Variants in SPEF2 observed in about 807,000 individuals in gnomAD.
The protein encoded by SPEF2 is sperm flagellar and cilia associated 2, also known as sperm flagella and cilia-associated protein 2.
A neutral mutation model predicts 224.6 loss-of-function variants in SPEF2; 187 were observed. That is an observed-to-expected ratio of 0.83 (90% CI 0.74 to 0.94). The LOEUF is 0.94. SPEF2 is among the 40% of genes least tolerant of loss of function. The probability of loss-of-function intolerance (pLI) is 0.00; values close to 1 mark genes in which losing one functional copy is unlikely to be tolerated. For synonymous variants in SPEF2, 715 were observed against 707.3 expected (o/e 1.01, Z -0.17); for missense variants, 2,170 against 2,135.6 (o/e 1.02, Z -0.32).
intron 32 of SPEF2, among the ~76,000 whole-genome samples, chr5:35,794,911 C>T (rs942966349): frequency 6.6e-6 from 1 of 152,062 alleles, no homozygotes; most frequent in African/African-American, 2.4e-5. Context: ...GCCCTTCCGC[C>T]CTCAGGTCCC....
At chr5:35,623,090 G>A (rs1281288843) in intron 1 of SPEF2, among the ~76,000 whole-genome samples, 1 of 152,182 alleles carries the variant, frequency 6.6e-6, no homozygotes, top group Non-Finnish European at 1.5e-5. Context: ...TGAACCATGA[G>A]GACTGCAGGG....
chr5:35,659,227 G>A lies in SPEF2; in HGVS notation c.1167+20G>A, dbSNP rs367791688. ...GAAGCGGTAAATACCATCTTCCTTA[G>A]AAATCTTTCTAAGGTTACTTTTGTT... On this transcript the variant is annotated intron_variant, in intron 8 of 36. Transcript: ENST00000356031. 4.0e-5 allele frequency: 62 copies of A among 1,565,406 alleles called. No homozygotes were observed. Among genetic ancestry groups the A allele is most frequent in the South Asian group, 2.6e-4 (22 of 84,922 alleles).
chr5:35,804,339 T>C (rs574083678), intron 34 of SPEF2, among the ~76,000 whole-genome samples: 1 of 152,200 alleles, frequency 6.6e-6, no homozygotes, highest in South Asian at 2.1e-4. Context: ...TTCCCCTGCT[T>C]AGATAATAAT....
At chr5:35,770,618 T>C (rs964060806) in intron 26 of SPEF2, among the ~76,000 whole-genome samples, 38 of 151,898 alleles carry the variant, frequency 2.5e-4, no homozygotes, top group Non-Finnish European at 8.8e-5. Context: ...GTATTTGCCT[T>C]TCTGTGCCTG....
chr5:35,776,728 C>G (rs1165176694), intron 29 of SPEF2, among the ~76,000 whole-genome samples: 1 of 152,126 alleles, frequency 6.6e-6, no homozygotes, highest in Non-Finnish European at 1.5e-5. Flanking sequence ...GTAAAATAAT[C>G]CTTGATACTT....
intron 6 of SPEF2, among the ~76,000 whole-genome samples, chr5:35,651,224 C>T (rs1158516372): frequency 6.6e-6 from 1 of 152,180 alleles, no homozygotes; most frequent in Non-Finnish European, 1.5e-5. Context: ...AGCTGGGAAA[C>T]GTAGTCTTTA....
At chr5:35,753,914 A>G (rs889158291) in intron 24 of SPEF2, among the ~76,000 whole-genome samples, 153 bp downstream of exon 24, 1 of 152,130 alleles carries the variant, frequency 6.6e-6, no homozygotes, top group African/African-American at 2.4e-5. Flanking sequence ...CTCACCAAAA[A>G]AGCTAGCCGA....
At chr5:35,759,436 T>A in intron 24 of SPEF2, 132 bp from the exon 25 acceptor site, 1 of 753,120 alleles carries the variant, frequency 1.3e-6, no homozygotes, top group South Asian at 4.2e-5. Flanking sequence ...TAACTAATGT[T>A]CCTTCTTATT....
At position 35,779,359 on chromosome 5, in the gene SPEF2, A is replaced by T; in HGVS notation, c.4447+13A>T. On this transcript the variant is annotated intron_variant, in intron 30 of 36. Transcript: ENST00000356031. ...ATGGCACCTAAAGGTAGGAAAAATA[A>T]TTATCATGAAAAGAGCACAAAAAAA... 1 of 1,575,986 alleles carries T rather than the reference A, an allele frequency of 6.3e-7. No individual in the cohort carries two copies. The highest frequency in any genetic ancestry group is 1.4e-5 in the African/African-American group (1 of 73,084).
chr5:35,803,534 C>G (rs6893967), intron 34 of SPEF2, among the ~76,000 whole-genome samples: 27,537 of 152,090 alleles, frequency 0.18, 3,100 homozygotes, highest in African/African-American at 0.32. Context: ...ACAGGGCTCT[C>G]TCTCACACAC....
chr5:35,793,479 C>T, intron 32 of SPEF2, 138 bp downstream of exon 32: 1 of 776,332 alleles, frequency 1.3e-6, no homozygotes, highest in Non-Finnish European at 1.9e-6. Flanking sequence ...CACCCAGAGG[C>T]AGCACAGGCA....
chr5:35,622,968 C>T (rs1056421524), intron 1 of SPEF2, among the ~76,000 whole-genome samples: 5 of 152,158 alleles, frequency 3.3e-5, no homozygotes, highest in Non-Finnish European at 7.3e-5. Flanking sequence ...ACTGACAATC[C>T]TATTCTTTTA....
At chr5:35,667,000 C>G in intron 8 of SPEF2, 72 bp from the exon 9 acceptor site, 1 of 1,385,242 alleles carries the variant, frequency 7.2e-7, no homozygotes, top group East Asian at 2.5e-5. Context: ...GACTTTTTGG[C>G]CATTGAAATG....
intron 36 of SPEF2, among the ~76,000 whole-genome samples, chr5:35,810,979 G>A (rs1014376195): frequency 2.0e-5 from 3 of 151,834 alleles, no homozygotes; most frequent in African/African-American, 4.8e-5. Context: ...GGACTCATTT[G>A]TATGATGGTC....
chr5:35,699,795 C>T (rs1738214582), intron 15 of SPEF2: 1 of 152,110 alleles, frequency 6.6e-6, no homozygotes, highest in South Asian at 2.1e-4. Flanking sequence ...GCAGTTCATA[C>T]TCATATAACA....
chr5:35,807,653 T>G (rs1228623000), intron 36 of SPEF2: 15 of 1,535,754 alleles, frequency 9.8e-6, no homozygotes, highest in East Asian at 2.4e-5. Flanking sequence ...ACATCATCTA[T>G]GTAGTGGAAA....
intron 7 of SPEF2, among the ~76,000 whole-genome samples, chr5:35,656,036 A>T (rs1748908488): frequency 6.6e-6 from 1 of 152,186 alleles, no homozygotes; most frequent in Non-Finnish European, 1.5e-5. Context: ...AGGTAAAATC[A>T]ATAAGACTTA....
chr5:35,667,091 A>G lies in SPEF2; in HGVS notation c.1187A>G (p.Lys396Arg). The change falls in exon 9 of 37, where the codon AAG (lysine) becomes AGG (arginine). Residue 396 changes from lysine to arginine, a missense_variant. By Grantham distance (26) the Lys-to-Arg change is conservative. Transcript: ENST00000356031. ...TTTTAGGCTTTGGCAAAACAAGCCA[A>G]GATTGACTTTGAAGAACAATTCCTT... ...DREAALAKQA[K>R]IDFEEQFLKE... The G allele has an allele frequency of 6.2e-7, 1 of 1,607,262 alleles. No individual in the cohort carries two copies. The highest frequency in any genetic ancestry group is 8.5e-7 in the Non-Finnish European group (1 of 1,178,186).
chr5:35,775,443 G>A (rs1417422958), intron 28 of SPEF2, among the ~76,000 whole-genome samples: 1 of 152,098 alleles, frequency 6.6e-6, no homozygotes, highest in African/African-American at 2.4e-5. Context: ...GGGGTAAGAG[G>A]CATATCAGCT....
Sources: gnomAD v4.1 joint callset for allele counts (sites outside exome capture counted in the v4.1 genomes callset) on GRCh38, gnomAD v4.1.1 for gene constraint, MANE v1.5 for transcripts, NCBI Gene and HGNC (gene_info 2026-07-23, HGNC 2026-07-21) for gene names.